HHATL: variants seen among roughly 807,000 people sequenced by gnomAD.
HHATL encodes protein-cysteine N-palmitoyltransferase HHAT-like protein.
HHATL carries 49 observed loss-of-function variants against 59.7 expected under a neutral mutation model. That is an observed-to-expected ratio of 0.82 (90% confidence interval 0.65 to 1.04). The LOEUF is 1.04. Among genes scored for constraint, HHATL ranks in the 50% least tolerant of loss-of-function variants. HHATL has a pLI of 0.00. For missense variants in HHATL, 605 were observed against 650.8 expected, an observed-to-expected ratio of 0.93 and a Z score of 0.77; for synonymous variants, 238 against 257.3, an observed-to-expected ratio of 0.93 and a Z score of 0.72.
At position 42,700,643 on chromosome 3, in the gene HHATL, C is replaced by T. The variant is rs994799700; in HGVS notation, c.106+78G>A. On this transcript the variant is annotated intron_variant, in intron 2 of 11. Transcript: ENST00000441594. ...CCCTAGGTCTGGAGCCTGTAACTTTCTGGCTTTGCTGGTTGGAACCCTGAG... is the reference window on the plus strand; with the variant it reads ...CCCTAGGTCTGGAGCCTGTAACTTTTTGGCTTTGCTGGTTGGAACCCTGAG... 1.1e-5 allele frequency: 10 copies of T among 911,106 alleles called. No individual in the cohort carries two copies. The Admixed American group carries it at 1.7e-4, about 15-fold the overall frequency. The allele number at this position is 911,106 out of a possible 1,614,324, so 56.4% of individuals were successfully genotyped here.
At position 42,697,142 on chromosome 3, in the gene HHATL, C is replaced by T. The variant is rs2125853010; in HGVS notation, c.869G>A (p.Gly290Asp). ...ANRLPDSALA[G>D]LAYSNLVYDW... ...ATACACCAGGTTTGAATAGGCTAGGCCAGCTGGGGGCAGGGCACTGTCACT... is the reference window on the plus strand; with the variant it reads ...ATACACCAGGTTTGAATAGGCTAGGTCAGCTGGGGGCAGGGCACTGTCACT... The change falls in exon 8 of 12, where the codon GGC (glycine) becomes GAC (aspartate). Residue 290 changes from glycine (G) to aspartate (D), a missense_variant. Physicochemically the swap from Gly to Asp is moderately conservative, Grantham distance 94. Coordinates refer to ENST00000441594, the MANE Select transcript of HHATL (RefSeq NM_020707.4). 1.3e-6 allele frequency: 2 copies of T among 1,525,836 alleles called. No individual in the cohort carries two copies. Among genetic ancestry groups the T allele is most frequent in the South Asian group, 1.3e-5 (1 of 76,524 alleles). The allele number at this position is 1,525,836 out of a possible 1,614,324, so 94.5% of individuals were successfully genotyped here. A position where few individuals can be genotyped will look rare whatever the true frequency, so the allele number is the denominator to read the frequency against.
At chr3:42,699,201 G>C in intron 3 of HHATL, 56 bp from the exon 4 acceptor site, 2 of 1,243,870 alleles carry the variant, frequency 1.6e-6, no homozygotes, top group Non-Finnish European at 2.4e-6. Flanking sequence ...AGAGGGGACA[G>C]GACGAGCTGG....
Position 42,697,121 on chromosome 3 carries a change from A to G in HHATL, c.890T>C (p.Val297Ala), listed in dbSNP as rs866475018. ...ALAGLAYSNL[V>A]YDWVKAAVLF... ...GACGGCCGCCTTCACCCAGTCATAC[A>G]CCAGGTTTGAATAGGCTAGGCCAGC... Residue 297 changes from valine (V) to alanine (A), a missense_variant, in exon 8 of 12, where the codon GTG becomes GCG. Val to Ala is a moderately conservative substitution (Grantham distance 64). Transcript: ENST00000441594. 1 of 1,546,728 alleles carries G rather than the reference A, an allele frequency of 6.5e-7. No individual in the cohort carries two copies. Among genetic ancestry groups the G allele is most frequent in the Non-Finnish European group, 8.7e-7 (1 of 1,144,934 alleles).
chr3:42,696,106 C>T (rs1298970406), intron 9 of HHATL, among the ~76,000 whole-genome samples: 8 of 152,186 alleles, frequency 5.3e-5, no homozygotes, highest in Non-Finnish European at 7.3e-5. Context: ...AGCACTAATC[C>T]TCGGTCTCCA....
intron 2 of HHATL, among the ~76,000 whole-genome samples, chr3:42,700,239 C>T (rs1575246704): frequency 2.6e-5 from 2 of 77,998 alleles, no homozygotes; most frequent in East Asian, 3.7e-4. Flanking sequence ...TGTCTGCATC[C>T]AGGTCTCTCT....
Position 42,697,575 on chromosome 3 carries a change from G to A in HHATL, c.798C>T (p.His266=), listed in dbSNP as rs1697688603. Residue 266 remains histidine (H), a synonymous_variant, in exon 7 of 12, where the codon CAC becomes CAT. Coordinates refer to ENST00000441594, the MANE Select transcript of HHATL (RefSeq NM_020707.4). ...VAIMAVDIFF[H]FFYILTIPSD... is the part of the protein sequence containing the mutation. ...TGGGGATAGTGAGGATGTAGAAGAA[G>A]TGAAAGAAGATGTCGACGGCCATGA... is the stretch of plus-strand genomic sequence containing the variant. The A allele has an allele frequency of 1.2e-6, 2 of 1,614,058 alleles. No individual in the cohort carries two copies. The highest frequency in any genetic ancestry group is 1.1e-5 in the South Asian group (1 of 91,092).
intron 9 of HHATL, chr3:42,694,174 A>C: frequency 7.4e-6 from 2 of 269,590 alleles, no homozygotes; most frequent in Non-Finnish European, 1.4e-5. Context: ...AGATTCCCCT[A>C]TCCCTGCTCA....
chr3:42,693,320 C>T (rs1697437317), intron 10 of HHATL, 102 bp from the exon 11 acceptor site: 1 of 1,462,530 alleles, frequency 6.8e-7, no homozygotes, highest in Non-Finnish European at 9.3e-7. Context: ...GGTCTTGGGG[C>T]TATGTCTGGG....
At position 42,699,768 on chromosome 3, in the gene HHATL, C is replaced by A. The variant is rs1343482183; in HGVS notation, c.164G>T (p.Gly55Val). Residue 55 changes from glycine (G) to valine (V), a missense_variant, in exon 3 of 12, where the codon GGC becomes GTC. Physicochemically the swap from Gly to Val is moderately radical, Grantham distance 109. Transcript: ENST00000441594. ...ATGTGGGGGACCTACCATCTTCCGG[C>A]CAATGTACTCCCAGCCAGGTCGCAC... ...ESVRPGWEYIGRKMDVADFEW... is the reference protein window; with the variant it reads ...ESVRPGWEYIVRKMDVADFEW... 2 of 1,580,030 alleles carry A rather than the reference C, an allele frequency of 1.3e-6. No homozygotes were observed. The highest frequency in any genetic ancestry group is 1.8e-5 in the Admixed American group (1 of 55,948).
At chr3:42,699,412 G>A (rs1575243656) in intron 3 of HHATL, among the ~76,000 whole-genome samples, 1 of 152,316 alleles carries the variant, frequency 6.6e-6, no homozygotes. Context: ...AGGGTAGAGA[G>A]GAGTGAAGGG....
At position 42,699,095 on chromosome 3, in the gene HHATL, G is replaced by A. The variant is rs748022333; in HGVS notation, c.225C>T (p.Val75=). ...WVMWFTSFRN[V]IIFALSGHVL... is the part of the protein sequence containing the mutation. Reference sequence around the variant, plus strand: ...CATGTCCGGAGAGGGCAAAGATGATGACGTTGCGAAAGGAGGTGAACCACA... The same window carrying A: ...CATGTCCGGAGAGGGCAAAGATGATAACGTTGCGAAAGGAGGTGAACCACA... The change falls in exon 4 of 12, where the codon GTC becomes GTT. Residue 75 remains valine, a synonymous_variant. Transcript: ENST00000441594. The A allele has an allele frequency of 4.3e-6, 7 of 1,614,130 alleles. No individual in the cohort carries two copies. The South Asian group carries it at 7.7e-5, about 18-fold the overall frequency.
At position 42,699,814 on chromosome 3, in the gene HHATL, T is replaced by G; in HGVS notation, c.118A>C (p.Arg40=). The G allele has an allele frequency of 1.3e-6, 2 of 1,564,938 alleles. No homozygotes were observed. Among genetic ancestry groups the G allele is most frequent in the Non-Finnish European group, 1.7e-6 (2 of 1,153,978 alleles). Reference sequence around the variant, plus strand: ...CGCACAGACTCCCGGAAGGCCTTCCTGTGGGCCCCATCTGAGAACAGAGTG... The same window carrying G: ...CGCACAGACTCCCGGAAGGCCTTCCGGTGGGCCCCATCTGAGAACAGAGTG... ...LLEASQDGAH[R]KAFRESVRPG... is the part of the protein sequence containing the mutation. The change falls in exon 3 of 12, where the codon AGG becomes CGG. Residue 40 remains arginine (R), a synonymous_variant. Coordinates refer to ENST00000441594, the MANE Select transcript of HHATL (RefSeq NM_020707.4).
intron 1 of HHATL, 95 bp downstream of exon 1, chr3:42,702,483 GC>G (rs34630195): frequency 6.6e-6 from 1 of 152,658 alleles, no homozygotes; most frequent in Non-Finnish European, 1.5e-5. Context: ...CGGGGGTAAA[GC>G]CCCTTTTGGG....
In HHATL at chr3:42,702,745, G is replaced by C. The variant is rs951839683; in HGVS notation, c.-180C>G. ...GTTATGAGCGGTGAGTGGTGACAGCGGGAGGAGGAGGGGGAGGAGGAGGTG... is the reference window on the plus strand; with the variant it reads ...GTTATGAGCGGTGAGTGGTGACAGCCGGAGGAGGAGGGGGAGGAGGAGGTG... On this transcript the variant is annotated 5_prime_UTR_variant, in exon 1 of 12. Transcript: ENST00000441594. The C allele has an allele frequency of 6.5e-6, 1 of 153,956 alleles. No individual in the cohort carries two copies. Among genetic ancestry groups the C allele is most frequent in the Non-Finnish European group, 1.4e-5 (1 of 69,360 alleles). The allele number at this position is 153,956 out of a possible 1,614,324, so 9.5% of individuals were successfully genotyped here. A position where few individuals can be genotyped will look rare whatever the true frequency, so the allele number is the denominator to read the frequency against.
In HHATL at chr3:42,693,186, G is replaced by A. The variant is rs2125847812; in HGVS notation, c.1281C>T (p.Val427=). Residue 427 remains valine (V), a synonymous_variant, in exon 11 of 12, where the codon GTC becomes GTT. Coordinates refer to ENST00000441594, the MANE Select transcript of HHATL (RefSeq NM_020707.4). ...ASLSVQMSRR[V]RALFGAMNFW... is the part of the protein sequence containing the mutation. ...AGTTCATGGCTCCAAACAGGGCCCG[G>A]ACCCTACGGGACATCTGCACTGACA... 2 of 1,614,150 alleles carry A rather than the reference G, an allele frequency of 1.2e-6. No homozygotes were observed. The highest frequency in any genetic ancestry group is 4.5e-5 in the East Asian group (2 of 44,886).
intron 10 of HHATL, 51 bp from the exon 11 acceptor site, chr3:42,693,269 AG>A (rs1389016008): frequency 1.1e-5 from 17 of 1,602,146 alleles, no homozygotes; most frequent in Non-Finnish European, 1.4e-5. Context: ...CAAAGGAAAG[AG>A]GACATGGTGG....
In HHATL at chr3:42,700,828, G is replaced by A; in HGVS notation, c.-2C>T. The A allele has an allele frequency of 6.2e-7, 1 of 1,610,298 alleles. No individual in the cohort carries two copies. The highest frequency in any genetic ancestry group is 8.5e-7 in the Non-Finnish European group (1 of 1,176,692). On this transcript the variant is annotated 5_prime_UTR_variant, in exon 2 of 12. Coordinates refer to ENST00000441594, the MANE Select transcript of HHATL (RefSeq NM_020707.4). ...CGGCAATGCTGTCTTGATGCCCATA[G>A]CCTGGACAGGGCTGGGGAGACAGGT...
chr3:42,698,623 G>A, intron 5 of HHATL, 85 bp downstream of exon 5: 1 of 1,434,300 alleles, frequency 7.0e-7, no homozygotes, highest in Non-Finnish European at 9.4e-7. Context: ...GAATACTTGG[G>A]GATACTTGGG....
chr3:42,702,440 C>G (rs1698046671), intron 1 of HHATL, 139 bp downstream of exon 1: 1 of 152,588 alleles, frequency 6.6e-6, no homozygotes, highest in Admixed American at 6.5e-5. Flanking sequence ...GGGGGCATAC[C>G]CTTTCCCCTG....
Sources: gnomAD v4.1 joint callset for allele counts (sites outside exome capture counted in the v4.1 genomes callset) on GRCh38, gnomAD v4.1.1 for gene constraint, MANE v1.5 for transcripts, NCBI Gene and HGNC (gene_info 2026-07-23, HGNC 2026-07-21) for gene names.